The following AHCY variants were observed in gnomAD, a reference collection of about 807,000 sequenced individuals.
The protein encoded by AHCY is S-adenosyl-L-homocysteine hydrolase.
A neutral mutation model predicts 45.4 loss-of-function variants in AHCY; 24 were observed. The observed-to-expected ratio is 0.53, with a 90% CI of 0.38 to 0.74. AHCY has a LOEUF of 0.74. Ranked by LOEUF, AHCY falls within the 30% of genes least tolerant of loss-of-function variation. The pLI is 0.00. For synonymous variants in AHCY, 245 were observed against 235.1 expected, an observed-to-expected ratio of 1.04 and a Z score of -0.39; for missense variants, 449 against 594.1, an observed-to-expected ratio of 0.76 and a Z score of 2.54.
chr20:34,311,695 C>T (rs1355860036), exon 1 of AHCY: 2 of 152,558 alleles, frequency 1.3e-5, no homozygotes, highest in African/African-American at 2.4e-5. Context: ...TGAGAAAGCC[C>T]GCTGATGGGG....
chr20:34,301,700 C>T lies in AHCY; in HGVS notation c.28+1543G>A, dbSNP rs1185046369. The T allele has an allele frequency of 4.8e-6, 3 of 629,984 alleles. No homozygotes were observed. In the Admixed American group the frequency reaches 1.9e-4, roughly 40 times the overall value. The allele number at this position is 629,984 out of a possible 1,614,324, so 39.0% of individuals were successfully genotyped here. On this transcript the variant is annotated intron_variant, in intron 1 of 9. Transcript: ENST00000217426. ...GGCCCCAATCCTGACCCACTAATCTCTCCACAGTATGACAAGCCCCCATTC... is the reference window on the plus strand; with the variant it reads ...GGCCCCAATCCTGACCCACTAATCTTTCCACAGTATGACAAGCCCCCATTC...
chr20:34,253,435 AT>A, the AHCY span, among the ~76,000 whole-genome samples: 4 of 122,710 alleles, frequency 3.3e-5, no homozygotes, highest in African/African-American at 2.2e-4. Flanking sequence ...CTACGCTCTT[AT>A]TTTTATTTTA....
At chr20:34,305,842 GA>G (rs1307206790), upstream of AHCY, among the ~76,000 whole-genome samples, 1 of 152,124 alleles carries the variant, frequency 6.6e-6, no homozygotes, top group East Asian at 1.9e-4. Flanking sequence ...CAGCACTTTG[GA>G]AGCCGGGGCG....
rs2036362326 is a variant in AHCY at position 34,290,880 on chromosome 20, G to A, written c.617C>T (p.Ala206Val). The A allele has an allele frequency of 1.2e-6, 2 of 1,614,018 alleles. No homozygotes were observed. Among genetic ancestry groups the A allele is most frequent in the Non-Finnish European group, 1.7e-6 (2 of 1,180,040 alleles). The change falls in exon 6 of 10, where the codon GCC (alanine) becomes GTC (valine). Residue 206 changes from alanine (A) to valine (V), a missense_variant. Transcript: ENST00000217426. The surrounding 1 kb of genome is among the most constrained non-coding windows in gnomAD (Gnocchi z 4.5). ...CTTGCCGGCAATCATCACATCTGTG[G>A]CCCGCTTGATGCCATCTATGAGGGA... ...RESLIDGIKR[A>V]TDVMIAGKVA...
At chr20:34,260,430 CT>C in the AHCY span, 1 of 1,614,178 alleles carries the variant, frequency 6.2e-7, no homozygotes, top group East Asian at 2.2e-5. Flanking sequence ...TGCTTCTTCA[CT>C]GCCAACAGCC....
chr20:34,287,687 T>G (rs2036234170), intron 8 of AHCY, among the ~76,000 whole-genome samples: 1 of 151,432 alleles, frequency 6.6e-6, no homozygotes. Flanking sequence ...CCACCGTGCC[T>G]GGCCAGAAGG....
intron 9 of AHCY, among the ~76,000 whole-genome samples, chr20:34,284,937 G>A (rs777118826): frequency 1.2e-4 from 19 of 152,150 alleles, no homozygotes; most frequent in African/African-American, 3.9e-4. Flanking sequence ...CTGGTCAGAC[G>A]GACCTGGGTT....
the AHCY span, among the ~76,000 whole-genome samples, chr20:34,252,458 A>G: frequency 6.6e-6 from 1 of 152,314 alleles, no homozygotes; most frequent in Admixed American, 6.5e-5. Flanking sequence ...TTCTTTACCC[A>G]AACATCTCAG....
intron 9 of AHCY, among the ~76,000 whole-genome samples, chr20:34,282,464 TAATA>T (rs1246656844): frequency 6.6e-6 from 1 of 152,172 alleles, no homozygotes; most frequent in East Asian, 1.9e-4. Context: ...GAAACTGAAA[TAATA>T]AATATTTATT....
chr20:34,238,404 G>A, the AHCY span, among the ~76,000 whole-genome samples: 1 of 152,084 alleles, frequency 6.6e-6, no homozygotes, highest in African/African-American at 2.4e-5. Flanking sequence ...AGTTCATTGA[G>A]TCTCTCTTCT....
At chr20:34,285,669 G>A (rs757163854) in intron 8 of AHCY, 35 bp from the exon 9 acceptor site, 2 of 1,607,892 alleles carry the variant, frequency 1.2e-6, no homozygotes, top group Admixed American at 3.3e-5. Flanking sequence ...AAGGCAGGCA[G>A]GGCCCCGCTC....
At chr20:34,294,602 G>C (rs1228789063) in intron 2 of AHCY, among the ~76,000 whole-genome samples, 1 of 152,140 alleles carries the variant, frequency 6.6e-6, no homozygotes, top group Non-Finnish European at 1.5e-5. Flanking sequence ...TTCGTGAATT[G>C]AGAGAACCCA....
upstream of AHCY, among the ~76,000 whole-genome samples, chr20:34,303,898 A>G (rs2036861605): frequency 6.6e-6 from 1 of 152,118 alleles, no homozygotes; most frequent in Non-Finnish European, 1.5e-5. Context: ...TGGGACGCGG[A>G]GGCGGGAGGG....
chr20:34,294,710 A>G (rs2036514993), intron 2 of AHCY, among the ~76,000 whole-genome samples: 1 of 152,160 alleles, frequency 6.6e-6, no homozygotes, highest in Non-Finnish European at 1.5e-5. Flanking sequence ...GTTCTGCCTG[A>G]GATGAGTACT....
At chr20:34,235,652 C>T in the AHCY span, among the ~76,000 whole-genome samples, 3 of 151,418 alleles carry the variant, frequency 2.0e-5, no homozygotes, top group Non-Finnish European at 4.4e-5. Flanking sequence ...GGCATGGTAG[C>T]GCATGCCTGT....
At chr20:34,306,142 A>T (rs2036894275), upstream of AHCY, among the ~76,000 whole-genome samples, 1 of 152,040 alleles carries the variant, frequency 6.6e-6, no homozygotes, top group Admixed American at 6.6e-5. Context: ...TCATTAATTA[A>T]TGATGACTCT....
the AHCY span, among the ~76,000 whole-genome samples, chr20:34,253,442 TTTTATTTTA>T: frequency 0.019 from 2,030 of 105,110 alleles, 56 homozygotes; most frequent in African/African-American, 0.11. Context: ...CTTATTTTTA[TTTTATTTTA>T]TTTATTTATT....
the AHCY span, among the ~76,000 whole-genome samples, chr20:34,253,436 T>TTTTTA: frequency 2.7e-5 from 4 of 147,556 alleles, no homozygotes; most frequent in Non-Finnish European, 4.4e-5. Context: ...TACGCTCTTA[T>TTTTTA]TTTTATTTTA....
chr20:34,270,959 G>GT, the AHCY span, among the ~76,000 whole-genome samples: 1 of 147,232 alleles, frequency 6.8e-6, no homozygotes, highest in Non-Finnish European at 1.5e-5. Flanking sequence ...GGCCCAGCCA[G>GT]TTCTTGCTTT....
Sources: gnomAD v4.1 joint callset for allele counts (sites outside exome capture counted in the v4.1 genomes callset) on GRCh38, gnomAD v4.1.1 for gene constraint, Gnocchi (gnomAD v3.1) non-coding constraint, MANE v1.5 for transcripts, NCBI Gene and HGNC (gene_info 2026-07-23, HGNC 2026-07-21) for gene names.